Variants in XIRP2 observed in about 807,000 individuals in gnomAD.
XIRP2 encodes the protein xin actin-binding repeat-containing protein 2.
XIRP2 carries 236 observed loss-of-function variants against 277.0 expected under a neutral mutation model. That is an observed-to-expected ratio of 0.85 (90% CI 0.77 to 0.95). The LOEUF (loss-of-function observed/expected upper bound fraction) is 0.95. XIRP2 is among the 40% of genes least tolerant of loss of function. XIRP2 has a pLI of 0.00. For missense variants in XIRP2, 4,640 were observed against 4,157.5 expected (o/e 1.12, Z -3.19); for synonymous variants, 1,490 against 1,416.5 (o/e 1.05, Z -1.17).
At chr2:167,055,223 G>T (rs1689011792) in intron 2 of XIRP2, among the ~76,000 whole-genome samples, 1 of 152,094 alleles carries the variant, frequency 6.6e-6, no homozygotes, top group Admixed American at 6.6e-5. Flanking sequence ...AAAGAAAAAA[G>T]GCTCTGTGTC....
At chr2:167,185,441 C>A (rs911534182) in intron 3 of XIRP2, among the ~76,000 whole-genome samples, 12 of 151,242 alleles carry the variant, frequency 7.9e-5, no homozygotes, top group Non-Finnish European at 1.6e-4. Context: ...CACTTTTTTC[C>A]TGAAAAATCA....
chr2:167,169,529 G>T (rs1388936702), intron 3 of XIRP2, among the ~76,000 whole-genome samples: 1 of 152,110 alleles, frequency 6.6e-6, no homozygotes, highest in East Asian at 1.9e-4. Context: ...ACAGCAGTTT[G>T]CCCTGTGACC....
chr2:167,123,732 C>A (rs993134997), intron 2 of XIRP2, among the ~76,000 whole-genome samples: 15 of 152,056 alleles, frequency 9.9e-5, no homozygotes, highest in Admixed American at 7.9e-4. Context: ...TAAGGAGGAC[C>A]AGTCAGACTG....
At chr2:167,134,008 T>A (rs923038079) in intron 2 of XIRP2, among the ~76,000 whole-genome samples, 2 of 152,140 alleles carry the variant, frequency 1.3e-5, no homozygotes, top group Non-Finnish European at 2.9e-5. Flanking sequence ...GCAATTGTTT[T>A]TAGCTTCAGT....
intron 2 of XIRP2, among the ~76,000 whole-genome samples, chr2:167,133,661 A>G (rs1336494383): frequency 2.0e-5 from 3 of 152,214 alleles, no homozygotes; most frequent in Non-Finnish European, 4.4e-5. Context: ...TTTCCTAACA[A>G]AAATCACAAC....
chr2:167,224,842 AC>A (rs1694545045), intron 5 of XIRP2, among the ~76,000 whole-genome samples: 1 of 152,148 alleles, frequency 6.6e-6, no homozygotes, highest in South Asian at 2.1e-4. Flanking sequence ...TGTGCCTCAC[AC>A]CTTGGCTTTC....
intron 1 of XIRP2, among the ~76,000 whole-genome samples, chr2:166,893,210 T>C (rs889306519): frequency 4.6e-5 from 7 of 152,004 alleles, no homozygotes; most frequent in Non-Finnish European, 5.9e-5. Context: ...AATTTAAAAA[T>C]ATTCCAGAAA....
At chr2:167,036,326 A>T (rs369679396) in intron 2 of XIRP2, among the ~76,000 whole-genome samples, 5 of 152,250 alleles carry the variant, frequency 3.3e-5, no homozygotes, top group African/African-American at 1.2e-4. Context: ...GGGAGGCTGT[A>T]CCCTGCAAAA....
intron 3 of XIRP2, among the ~76,000 whole-genome samples, chr2:167,187,843 A>C (rs1693203376): frequency 6.6e-6 from 1 of 152,172 alleles, no homozygotes; most frequent in South Asian, 2.1e-4. Context: ...AGCACAGAAA[A>C]AAATTAGTTT....
intron 2 of XIRP2, among the ~76,000 whole-genome samples, chr2:166,988,476 T>C (rs958263801): frequency 2.2e-5 from 3 of 134,276 alleles, no homozygotes; most frequent in Admixed American, 1.4e-4. Context: ...GATGGCCGAA[T>C]AGGAACAGCT....
intron 3 of XIRP2, among the ~76,000 whole-genome samples, chr2:167,176,971 G>A (rs1231874102): frequency 6.6e-6 from 1 of 152,244 alleles, no homozygotes; most frequent in South Asian, 2.1e-4. Flanking sequence ...CAGATTAAGG[G>A]ACCAAGCTGA....
chr2:167,164,371 G>A (rs1057171928), intron 3 of XIRP2, among the ~76,000 whole-genome samples: 3 of 150,492 alleles, frequency 2.0e-5, no homozygotes, highest in East Asian at 3.9e-4. Context: ...GCGTGAACCC[G>A]GGAGGCGGAG....
chr2:167,237,127 C>T (rs192854305), intron 5 of XIRP2, among the ~76,000 whole-genome samples: 100 of 152,194 alleles, frequency 6.6e-4, no homozygotes, highest in African/African-American at 2.2e-3. Context: ...TAGAAACTTA[C>T]GACTTTAAAC....
rs751195997 is a variant in XIRP2 at position 167,251,320 on chromosome 2, C to A, written c.9928C>A (p.Gln3310Lys). The A allele has an allele frequency of 6.2e-7, 1 of 1,613,566 alleles. No homozygotes were observed. The highest frequency in any genetic ancestry group is 1.1e-5 in the South Asian group (1 of 91,074). ...AVPPRLSEHT[Q>K]RYEAANRTVQ... ...GCCTCCTCGCCTGTCAGAGCACACA[C>A]AGAGATATGAAGCGGCCAACCGAAC... The change falls in exon 9 of 11, where the codon CAG (glutamine) becomes AAG (lysine). Residue 3310 changes from glutamine (Q) to lysine (K), a missense_variant. Coordinates refer to ENST00000409195, the MANE Select transcript of XIRP2 (RefSeq NM_152381.6).
intron 2 of XIRP2, among the ~76,000 whole-genome samples, chr2:167,061,454 C>T (rs1389663632): frequency 3.3e-5 from 5 of 151,996 alleles, no homozygotes; most frequent in Non-Finnish European, 7.4e-5. Context: ...AGCATTTGAT[C>T]TTTTACCATT....
rs11895340 is a variant in XIRP2, at chr2:166,947,513, A to C, written c.408+43623A>C. On this transcript the variant is annotated intron_variant, in intron 2 of 10. Coordinates refer to ENST00000409195, the MANE Select transcript of XIRP2 (RefSeq NM_152381.6). ...AGAAATAAAAAGACATTTTTCTTTT[A>C]ATATTTTCCCATATTATTTAGTTTT... is the stretch of plus-strand genomic sequence containing the variant. Among the ~76,000 whole-genome samples the C allele has an allele frequency of 9.8e-3, 1,486 of 152,284 alleles. 22 individuals carry two copies. The highest frequency in any genetic ancestry group is 0.034 in the African/African-American group (1,393 of 41,580).
intron 2 of XIRP2, among the ~76,000 whole-genome samples, chr2:166,919,494 C>T (rs1414784499): frequency 2.0e-5 from 3 of 152,162 alleles, no homozygotes; most frequent in African/African-American, 7.2e-5. Context: ...CTGTCAGGAA[C>T]ATACATTTAA....
At chr2:167,063,554 C>T (rs1225424309) in intron 2 of XIRP2, among the ~76,000 whole-genome samples, 2 of 151,908 alleles carry the variant, frequency 1.3e-5, no homozygotes, top group East Asian at 1.9e-4. Flanking sequence ...ATGTAATTTG[C>T]TTATTTTTCC....
At chr2:167,026,790 T>A (rs1311690523) in intron 2 of XIRP2, among the ~76,000 whole-genome samples, 2 of 152,076 alleles carry the variant, frequency 1.3e-5, no homozygotes, top group African/African-American at 4.8e-5. Flanking sequence ...GCCCCCACTC[T>A]CTTCTGGGTT....
Sources: allele counts gnomAD v4.1 joint callset (sites outside exome capture counted in the v4.1 genomes callset), GRCh38; gene constraint gnomAD v4.1.1; transcripts MANE v1.5; gene names NCBI Gene and HGNC (gene_info 2026-07-23, HGNC 2026-07-21).